AGBL1: variants seen among roughly 807,000 people sequenced by gnomAD.
AGBL1 encodes the protein cytosolic carboxypeptidase 4.
In AGBL1, 130 loss-of-function variants were observed where a neutral mutation model predicts 118.9. The ratio of observed to expected loss-of-function variants is 1.09; its 90% CI spans 0.95 to 1.26. The LOEUF (loss-of-function observed/expected upper bound fraction) is 1.26. Ranked by LOEUF, AGBL1 falls within the 50% of genes most tolerant of loss-of-function variation. The pLI is 0.00. For missense variants in AGBL1, 1,584 were observed against 1,298.1 expected, an observed-to-expected ratio of 1.22 and a Z score of -3.38; for synonymous variants, 555 against 478.9, an observed-to-expected ratio of 1.16 and a Z score of -2.08.
chr15:86,891,229 G>T (rs2080047655), intron 22 of AGBL1, among the ~76,000 whole-genome samples: 1 of 152,062 alleles, frequency 6.6e-6, no homozygotes, highest in South Asian at 2.1e-4. Flanking sequence ...TTTGTACGTT[G>T]ATGTTGTATC....
At chr15:86,936,670 TA>T (rs1489871351) in intron 23 of AGBL1, among the ~76,000 whole-genome samples, 1 of 152,172 alleles carries the variant, frequency 6.6e-6, no homozygotes, top group African/African-American at 2.4e-5. Flanking sequence ...ATTAAAGACT[TA>T]ATTGTAAAAC....
At chr15:86,990,445 C>A (rs1001825582) in intron 24 of AGBL1, among the ~76,000 whole-genome samples, 11 of 151,912 alleles carry the variant, frequency 7.2e-5, no homozygotes, top group African/African-American at 2.7e-4. Flanking sequence ...ACCCAGGGGG[C>A]AGAGTTTGCA....
In AGBL1 at chr15:86,087,884, G is replaced by T. The variant is rs143662890; in HGVS notation, c.51+7861G>T. On this transcript the variant is annotated intron_variant, in intron 1 of 22. Coordinates refer to ENST00000614907, the MANE Select transcript of AGBL1 (RefSeq NM_001386094.1). Reference sequence around the variant, plus strand: ...CAGGTGTAAGTGTCTGCTGGGGAAAGATGGAGACCCTCACCTAGCACAGTC... The same window carrying T: ...CAGGTGTAAGTGTCTGCTGGGGAAATATGGAGACCCTCACCTAGCACAGTC... Among the ~76,000 whole-genome samples, 6 of 152,344 alleles carry T rather than the reference G, an allele frequency of 3.9e-5. No homozygotes were observed. The East Asian group carries it at 1.2e-3, about 29-fold the overall frequency.
At chr15:86,831,666 A>G (rs900696315) in intron 22 of AGBL1, among the ~76,000 whole-genome samples, 1 of 152,178 alleles carries the variant, frequency 6.6e-6, no homozygotes, top group Non-Finnish European at 1.5e-5. Flanking sequence ...TGCAGAATAT[A>G]GCCTCCCTCC....
intron 5 of AGBL1, among the ~76,000 whole-genome samples, chr15:86,200,354 C>A (rs913971084): frequency 8.5e-5 from 13 of 152,140 alleles, no homozygotes; most frequent in African/African-American, 3.1e-4. Context: ...GAAAGAAGAT[C>A]TTTCCCAAGT....
At chr15:86,724,590 G>A (rs1377260805) in intron 22 of AGBL1, among the ~76,000 whole-genome samples, 3 of 152,146 alleles carry the variant, frequency 2.0e-5, no homozygotes, top group South Asian at 2.1e-4. Flanking sequence ...GAGGAACAGG[G>A]AGGATATTTG....
chr15:86,630,200 A>C (rs530039012), intron 21 of AGBL1: 1 of 152,342 alleles, frequency 6.6e-6, no homozygotes, highest in South Asian at 2.1e-4. Context: ...TTTTGTGTCT[A>C]TCCCTCAGGC....
intron 21 of AGBL1, among the ~76,000 whole-genome samples, chr15:86,655,080 G>A (rs966788482): frequency 1.3e-5 from 2 of 152,170 alleles, no homozygotes; most frequent in Non-Finnish European, 2.9e-5. Flanking sequence ...GGTAAGGGAA[G>A]AGCCTACTCT....
At chr15:86,526,544 G>GGGTATATATATA (rs1555422466) in intron 19 of AGBL1, among the ~76,000 whole-genome samples, 2 of 119,452 alleles carry the variant, frequency 1.7e-5, no homozygotes, top group African/African-American at 6.6e-5. Context: ...TTGTGTCTGT[G>GGGTATATATATA]TATATATATA....
chr15:86,164,304 T>C (rs2077307294), intron 5 of AGBL1, among the ~76,000 whole-genome samples: 1 of 152,096 alleles, frequency 6.6e-6, no homozygotes, highest in African/African-American at 2.4e-5. Flanking sequence ...TGGGCCAGAG[T>C]GTGCTACCTC....
chr15:86,377,467 C>T (rs1307756384), intron 17 of AGBL1, among the ~76,000 whole-genome samples: 7 of 152,136 alleles, frequency 4.6e-5, no homozygotes, highest in Admixed American at 4.6e-4. Context: ...CATTTTTGCT[C>T]TAAAATAACA....
At chr15:86,432,758 T>C (rs1393962956) in intron 18 of AGBL1, among the ~76,000 whole-genome samples, 2 of 152,204 alleles carry the variant, frequency 1.3e-5, no homozygotes, top group Non-Finnish European at 2.9e-5. Flanking sequence ...CTGAGGCTAT[T>C]CTGCTTTGGG....
At chr15:86,461,459 C>G (rs2082334229) in intron 18 of AGBL1, among the ~76,000 whole-genome samples, 1 of 152,056 alleles carries the variant, frequency 6.6e-6, no homozygotes, top group Admixed American at 6.6e-5. Flanking sequence ...TTTATAATAT[C>G]GTATTTATAT....
At chr15:86,848,012 C>G (rs1014759213) in intron 22 of AGBL1, among the ~76,000 whole-genome samples, 1 of 152,174 alleles carries the variant, frequency 6.6e-6, no homozygotes, top group Non-Finnish European at 1.5e-5. Flanking sequence ...TAAACACGGA[C>G]AATGCTGCTT....
At chr15:86,791,715 C>G (rs552888295) in intron 22 of AGBL1, among the ~76,000 whole-genome samples, 44 of 131,068 alleles carry the variant, frequency 3.4e-4, no homozygotes, top group Non-Finnish European at 5.5e-4. Flanking sequence ...CTGAACTCAT[C>G]TTTCCTTGTT....
intron 5 of AGBL1, among the ~76,000 whole-genome samples, chr15:86,187,136 A>G (rs1027137024): frequency 4.6e-5 from 7 of 152,202 alleles, no homozygotes; most frequent in Non-Finnish European, 7.3e-5. Context: ...AAACCAACAC[A>G]CACCCCCATC....
chr15:86,120,221 G>A (rs1898013124), intron 1 of AGBL1, among the ~76,000 whole-genome samples: 1 of 151,998 alleles, frequency 6.6e-6, no homozygotes, highest in Admixed American at 6.6e-5. Flanking sequence ...ATGTTCTTTT[G>A]CCTTTTTTAC....
chr15:86,117,165 T>A (rs184528126), intron 1 of AGBL1, among the ~76,000 whole-genome samples: 1 of 152,080 alleles, frequency 6.6e-6, no homozygotes, highest in Admixed American at 6.6e-5. Context: ...TCCACACTCA[T>A]GGCTCTGGTT....
At chr15:86,896,394 G>GT (rs1312778998) in intron 22 of AGBL1, among the ~76,000 whole-genome samples, 30 of 145,278 alleles carry the variant, frequency 2.1e-4, no homozygotes, top group Admixed American at 6.2e-4. Flanking sequence ...TATACCCTGG[G>GT]TTTAAAAAAA....
Sources: allele counts gnomAD v4.1 joint callset (sites outside exome capture counted in the v4.1 genomes callset), GRCh38; gene constraint gnomAD v4.1.1; transcripts MANE v1.5; gene names NCBI Gene and HGNC (gene_info 2026-07-23, HGNC 2026-07-21).